Variants in SMC6 observed in about 807,000 individuals in gnomAD.
SMC6 encodes structural maintenance of chromosomes 6, also known as structural maintenance of chromosomes protein 6.
In SMC6, 79 loss-of-function variants were observed where a neutral mutation model predicts 142.2. The observed-to-expected ratio is 0.56, with a 90% CI of 0.46 to 0.67. The LOEUF (loss-of-function observed/expected upper bound fraction) is 0.67. Among genes scored for constraint, SMC6 ranks in the 30% least tolerant of loss-of-function variants. The pLI is 0.00. For missense variants in SMC6, 1,072 were observed against 1,284.0 expected (o/e 0.83, Z 2.52); for synonymous variants, 411 against 412.4 (o/e 1.00, Z 0.04).
chr2:17,678,040 C>A (rs1275072643), intron 25 of SMC6, among the ~76,000 whole-genome samples: 1 of 151,862 alleles, frequency 6.6e-6, no homozygotes. Flanking sequence ...TCTCCATATG[C>A]CCTCTTTTAA....
intron 7 of SMC6, among the ~76,000 whole-genome samples, chr2:17,727,038 A>T (rs1669662777): frequency 1.3e-5 from 2 of 152,262 alleles, no homozygotes; most frequent in East Asian, 3.8e-4. Flanking sequence ...AGGATATTGT[A>T]AAACAAATGA....
At chr2:17,696,000 C>T (rs541440903) in intron 22 of SMC6, among the ~76,000 whole-genome samples, 6 of 152,224 alleles carry the variant, frequency 3.9e-5, no homozygotes, top group South Asian at 4.2e-4. Flanking sequence ...AAGGGCTATC[C>T]GCTTGCCAAG....
chr2:17,752,895 T>C (rs7561505), intron 2 of SMC6, 83 bp downstream of exon 2: 99,946 of 304,286 alleles, frequency 0.33, 17,699 homozygotes, highest in Non-Finnish European at 0.37. Context: ...TCGTGACATA[T>C]GCAGAGTAAT....
At chr2:17,746,045 G>A in intron 2 of SMC6, 94 bp from the exon 3 acceptor site, 2 of 1,188,086 alleles carry the variant, frequency 1.7e-6, no homozygotes, top group Non-Finnish European at 2.2e-6. Flanking sequence ...TAAACTTTAG[G>A]TACTATGTCC....
At chr2:17,692,194 G>T (rs951487266) in intron 23 of SMC6, among the ~76,000 whole-genome samples, 5 of 152,054 alleles carry the variant, frequency 3.3e-5, no homozygotes, top group African/African-American at 1.2e-4. Flanking sequence ...TCACAGAATT[G>T]GAAAAAGCTA....
chr2:17,688,376 A>C (rs1667554875), intron 23 of SMC6, among the ~76,000 whole-genome samples: 1 of 151,928 alleles, frequency 6.6e-6, no homozygotes. Context: ...CAGCTTGAAG[A>C]GCCTCCATTT....
intron 9 of SMC6, among the ~76,000 whole-genome samples, chr2:17,723,173 T>G (rs1221624671): frequency 6.6e-6 from 1 of 152,196 alleles, no homozygotes; most frequent in African/African-American, 2.4e-5. Flanking sequence ...AACATCTGCC[T>G]AGATCATTTC....
intron 16 of SMC6, among the ~76,000 whole-genome samples, chr2:17,712,299 T>C (rs1424054255): frequency 1.3e-5 from 2 of 152,182 alleles, no homozygotes; most frequent in East Asian, 1.9e-4. Flanking sequence ...ACCTATCATG[T>C]TTAAAACAGA....
chr2:17,699,404 T>C (rs1309641553), intron 21 of SMC6, among the ~76,000 whole-genome samples: 1 of 152,180 alleles, frequency 6.6e-6, no homozygotes, highest in Non-Finnish European at 1.5e-5. Context: ...AGTTTCACTG[T>C]AATGTGTCTT....
At chr2:17,720,579 T>C (rs1466167518) in intron 11 of SMC6, among the ~76,000 whole-genome samples, 23 of 152,236 alleles carry the variant, frequency 1.5e-4, no homozygotes, top group Admixed American at 1.5e-3. Flanking sequence ...CTAATTTATA[T>C]TATTCTAGCA....
intron 5 of SMC6, among the ~76,000 whole-genome samples, chr2:17,736,921 T>TA (rs547690270): frequency 2.0e-5 from 3 of 151,732 alleles, no homozygotes; most frequent in African/African-American, 7.3e-5. Context: ...TAATAATAAT[T>TA]AAAAAAAATT....
intron 5 of SMC6, among the ~76,000 whole-genome samples, chr2:17,733,953 C>T (rs1670024768): frequency 6.6e-6 from 1 of 152,158 alleles, no homozygotes. Context: ...AGGAAGTACA[C>T]ATACTTGAGA....
chr2:17,675,422 A>G (rs903309033), intron 25 of SMC6, among the ~76,000 whole-genome samples: 1 of 152,012 alleles, frequency 6.6e-6, no homozygotes, highest in Non-Finnish European at 1.5e-5. Context: ...GTATTTACCC[A>G]TAGATTTACC....
At chr2:17,695,001 GA>G in intron 23 of SMC6, 150 bp downstream of exon 23, 1 of 782,256 alleles carries the variant, frequency 1.3e-6, no homozygotes, top group South Asian at 1.7e-5. Flanking sequence ...TATTTATTGA[GA>G]ATAATACACA....
intron 7 of SMC6, among the ~76,000 whole-genome samples, chr2:17,728,886 C>T (rs935714473): frequency 2.0e-5 from 3 of 152,038 alleles, no homozygotes; most frequent in African/African-American, 7.2e-5. Flanking sequence ...GTAGCTGGGG[C>T]TAAAGGCATG....
chr2:17,708,691 A>C lies in SMC6; in HGVS notation c.1793T>G (p.Val598Gly), dbSNP rs1453557091. The C allele has an allele frequency of 6.4e-7, 1 of 1,558,800 alleles. No homozygotes were observed. The highest frequency in any genetic ancestry group is 8.7e-7 in the Non-Finnish European group (1 of 1,150,280). The part of the protein sequence containing the change: ...LTALEIDNAV[V>G]ANSLIDMRGI... ...TCTCATGTCAATTAGGCTATTTGCC[A>C]CAACCGCATTATCTATTTCTAAAGC... Residue 598 changes from valine (V) to glycine (G), a missense_variant, in exon 17 of 28, where the codon GTG becomes GGG. Val to Gly is a moderately radical substitution (Grantham distance 109). Around this residue, in one of 3 missense-constraint regions of SMC6, gnomAD observed 994 missense variants for 1,153.2 expected, o/e 0.86. Transcript: ENST00000448223.
intron 21 of SMC6, among the ~76,000 whole-genome samples, chr2:17,698,349 T>C (rs1668109571): frequency 6.6e-6 from 1 of 152,054 alleles, no homozygotes; most frequent in Admixed American, 6.6e-5. Context: ...GTATAGTTGC[T>C]CTATCAATTA....
At chr2:17,684,082 A>G (rs1284049161) in intron 23 of SMC6, among the ~76,000 whole-genome samples, 2 of 152,190 alleles carry the variant, frequency 1.3e-5, no homozygotes, top group African/African-American at 4.8e-5. Flanking sequence ...CACACCTTCA[A>G]AAAGGGAAGG....
chr2:17,740,141 AG>A (rs1463852860), intron 4 of SMC6, among the ~76,000 whole-genome samples: 1 of 152,120 alleles, frequency 6.6e-6, no homozygotes, highest in Non-Finnish European at 1.5e-5. Context: ...CTCTTCTATT[AG>A]GTTTTATTAA....
Sources: allele counts gnomAD v4.1 joint callset (sites outside exome capture counted in the v4.1 genomes callset), GRCh38; gene constraint gnomAD v4.1.1; regional missense constraint gnomAD v4.1.1; transcripts MANE v1.5; gene names NCBI Gene and HGNC (gene_info 2026-07-23, HGNC 2026-07-21).